The following NEK5 variants were observed in gnomAD, a reference collection of about 807,000 sequenced individuals.
NEK5 encodes NIMA related kinase 5.
NEK5 carries 88 observed loss-of-function variants against 109.2 expected under a neutral mutation model. The ratio of observed to expected loss-of-function variants is 0.81; its 90% CI spans 0.68 to 0.96. NEK5 has a LOEUF of 0.96. Among genes scored for constraint, NEK5 ranks in the 40% least tolerant of loss-of-function variants. NEK5 has a pLI of 0.00. For missense variants in NEK5, 834 were observed against 920.7 expected (o/e 0.91, Z 1.22); for synonymous variants, 283 against 299.9 (o/e 0.94, Z 0.58).
rs901218599 is a variant in NEK5, at chr13:52,127,659, A to G, written c.-87T>C. 2.0e-5 allele frequency: 11 copies of G among 552,730 alleles called. No individual in the cohort carries two copies. The highest frequency in any genetic ancestry group is 1.4e-4 in the Admixed American group (4 of 29,204). 34.2% of individuals were successfully genotyped at this position (552,730 alleles called of 1,614,324 possible). A position where few individuals can be genotyped will look rare whatever the true frequency, so the allele number is the denominator to read the frequency against. On this transcript the variant is annotated 5_prime_UTR_variant, in exon 2 of 24. Transcript: ENST00000684899. ...CAAATAACTTTCTTTGTGGCCACAG[A>G]TAACTGAAATGAGACAGAGTTTCTT...
chr13:52,123,863 G>A (rs1356880459), intron 3 of NEK5, among the ~76,000 whole-genome samples: 1 of 146,198 alleles, frequency 6.8e-6, no homozygotes, highest in African/African-American at 2.4e-5. Flanking sequence ...TTGATGCTGG[G>A]AGATCAGCAG....
intron 4 of NEK5, among the ~76,000 whole-genome samples, chr13:52,113,487 T>C (rs866210921): frequency 6.6e-6 from 1 of 152,154 alleles, no homozygotes; most frequent in Non-Finnish European, 1.5e-5. Flanking sequence ...AAATAACCAT[T>C]GACCTAAATG....
intron 23 of NEK5, among the ~76,000 whole-genome samples, chr13:52,045,203 C>T (rs1336626551): frequency 2.2e-5 from 3 of 136,618 alleles, no homozygotes; most frequent in Non-Finnish European, 3.1e-5. Context: ...GATCTCGGCT[C>T]ACTGCAAGCT....
At chr13:52,071,890 T>C in intron 20 of NEK5, 54 bp downstream of exon 20, 1 of 1,548,998 alleles carries the variant, frequency 6.5e-7, no homozygotes, top group Non-Finnish European at 8.9e-7. Context: ...GAGTTCAAAA[T>C]GGGTTGCTAA....
At chr13:52,107,173 C>T (rs1329809486) in intron 8 of NEK5, among the ~76,000 whole-genome samples, 1 of 152,176 alleles carries the variant, frequency 6.6e-6, no homozygotes, top group Non-Finnish European at 1.5e-5. Flanking sequence ...TTGAAACCTT[C>T]AGGTAACACT....
chr13:52,079,308 C>CTCTCCCTCTCCCCTCTTTCCACGG (rs1954926835), intron 17 of NEK5, among the ~76,000 whole-genome samples: 1 of 151,488 alleles, frequency 6.6e-6, no homozygotes, highest in African/African-American at 2.4e-5. Flanking sequence ...CTCCCTCTCC[C>CTCTCCCTCTCCCCTCTTTCCACGG]TCTCCCTCTC....
Position 52,035,778 on chromosome 13 carries a change from A to G in NEK5, c.*1170T>C, listed in dbSNP as rs1954355686. ...ATTGAAACTATTAGACAAAATGGCC[A>G]TGGTCATTTAGTGCATAATTAACAC... is the stretch of plus-strand genomic sequence containing the variant. On this transcript the variant is annotated 3_prime_UTR_variant, in exon 24 of 24. Transcript: ENST00000684899. 1 of 152,180 alleles carries G rather than the reference A, an allele frequency of 6.6e-6. No homozygotes were observed. The allele number at this position is 152,180 out of a possible 1,614,324, so 9.4% of individuals were successfully genotyped here.
intron 19 of NEK5, among the ~76,000 whole-genome samples, chr13:52,072,454 A>G (rs541014767): frequency 1.3e-5 from 2 of 152,344 alleles, no homozygotes; most frequent in South Asian, 2.1e-4. Flanking sequence ...TTTGTAGTCA[A>G]TACCAAAATG....
rs1475005404 is a variant in NEK5 at position 52,072,080 on chromosome 13, T to C, written c.1723-10A>G. ...TTGGTATATCCATTGCCTAAATCAATTCCACAGTGTTTCATGATAAATTAG... is the reference window on the plus strand; with the variant it reads ...TTGGTATATCCATTGCCTAAATCAACTCCACAGTGTTTCATGATAAATTAG... On this transcript the variant is annotated splice_polypyrimidine_tract_variant and intron_variant, in intron 19 of 23. Coordinates refer to ENST00000684899, the MANE Select transcript of NEK5 (RefSeq NM_001365552.1). 2.5e-6 allele frequency: 4 copies of C among 1,601,310 alleles called. No homozygotes were observed. The highest frequency in any genetic ancestry group is 1.1e-5 in the South Asian group (1 of 89,318).
intron 3 of NEK5, among the ~76,000 whole-genome samples, chr13:52,122,435 A>G (rs1463520954): frequency 6.6e-6 from 1 of 152,214 alleles, no homozygotes; most frequent in Non-Finnish European, 1.5e-5. Context: ...AGATGAGGAA[A>G]TATTCACAAT....
chr13:52,084,361 G>A lies in NEK5; in HGVS notation c.1480-1009C>T, dbSNP rs13313316. 5.0e-3 allele frequency among the ~76,000 whole-genome samples: 756 copies of A among 152,094 alleles called. 6 individuals are homozygous for A. The highest frequency in any genetic ancestry group is 0.017 in the African/African-American group (711 of 41,496). On this transcript the variant is annotated intron_variant, in intron 16 of 23. Coordinates refer to ENST00000684899, the MANE Select transcript of NEK5 (RefSeq NM_001365552.1). ...GCCTCCTGAGTAGCTGGGACTACAA[G>A]CATTTGCCACCATGACCCACTAATT...
chr13:52,045,237 C>T (rs1279902971), intron 23 of NEK5, among the ~76,000 whole-genome samples: 1 of 142,396 alleles, frequency 7.0e-6, no homozygotes, highest in Non-Finnish European at 1.5e-5. Flanking sequence ...TCACGCCATT[C>T]TCCTGACTCA....
rs1296572327 is a variant in NEK5, at chr13:52,102,090, A to G, written c.810+2T>C. 6.2e-7 allele frequency: 1 copy of G among 1,613,504 alleles called. No individual in the cohort carries two copies. The highest frequency in any genetic ancestry group is 1.1e-5 in the South Asian group (1 of 91,082). On this transcript the variant is annotated splice_donor_variant, in intron 10 of 23. Transcript: ENST00000684899. LOFTEE classifies it high-confidence loss of function. ...AATCCAAACAGTCACCTCAAAACTT[A>G]CCTCAGGAGTCAAATATTTGGGAAT...
chr13:52,069,898 TCAAA>T (rs1412984646), intron 20 of NEK5, among the ~76,000 whole-genome samples: 1 of 152,194 alleles, frequency 6.6e-6, no homozygotes, highest in Admixed American at 6.6e-5. Flanking sequence ...AGCTCGCACT[TCAAA>T]CAGTGATTAA....
chr13:52,037,836 TGGCA>T (rs1593912016), intron 23 of NEK5, among the ~76,000 whole-genome samples: 1 of 151,396 alleles, frequency 6.6e-6, no homozygotes, highest in East Asian at 1.9e-4. Context: ...GGCAGGAGAA[TGGCA>T]TGAACCTGGG....
At chr13:52,063,249 T>C (rs1566739048) in intron 21 of NEK5, among the ~76,000 whole-genome samples, 1 of 152,246 alleles carries the variant, frequency 6.6e-6, no homozygotes, top group South Asian at 2.1e-4. Flanking sequence ...GTTTTCGTAC[T>C]TTTTTGGTGG....
In NEK5 at chr13:52,127,672, G is replaced by A. The variant is rs1345334066; in HGVS notation, c.-90-10C>T. The A allele has an allele frequency of 1.3e-5, 7 of 533,042 alleles. No homozygotes were observed. Among genetic ancestry groups the A allele is most frequent in the South Asian group, 2.6e-5 (1 of 38,966 alleles). 33.0% of individuals were successfully genotyped at this position (533,042 alleles called of 1,614,324 possible). A position where few individuals can be genotyped will look rare whatever the true frequency, so the allele number is the denominator to read the frequency against. On this transcript the variant is annotated splice_polypyrimidine_tract_variant and intron_variant, in intron 1 of 23. Transcript: ENST00000684899. ...TTGTGGCCACAGATAACTGAAATGA[G>A]ACAGAGTTTCTTGGTCAGACACGGG... is the stretch of plus-strand genomic sequence containing the variant.
At chr13:52,087,877 G>A (rs9535859) in intron 14 of NEK5, among the ~76,000 whole-genome samples, 5,413 of 151,016 alleles carry the variant, frequency 0.036, 131 homozygotes, top group South Asian at 0.09. Flanking sequence ...TGCCCGCCTT[G>A]GCCTCCCAAA....
intron 23 of NEK5, among the ~76,000 whole-genome samples, chr13:52,037,650 G>A (rs1227459252): frequency 6.6e-6 from 1 of 152,158 alleles, no homozygotes; most frequent in African/African-American, 2.4e-5. Context: ...GTGGCCGGGC[G>A]CGGTGGCTCA....
Sources: allele counts gnomAD v4.1 joint callset (sites outside exome capture counted in the v4.1 genomes callset), GRCh38; gene constraint gnomAD v4.1.1; transcripts MANE v1.5; gene names NCBI Gene and HGNC (gene_info 2026-07-23, HGNC 2026-07-21).